PLEKHD1: variants seen among roughly 807,000 people sequenced by gnomAD.
PLEKHD1 encodes the protein pleckstrin homology and coiled-coil domain containing D1, also known as pleckstrin homology domain-containing family D member 1.
PLEKHD1 carries 51 observed loss-of-function variants against 69.2 expected under a neutral mutation model. The observed-to-expected ratio is 0.74, with a 90% CI of 0.59 to 0.93. PLEKHD1 has a LOEUF of 0.93. Among genes scored for constraint, PLEKHD1 ranks in the 40% least tolerant of loss-of-function variants. The probability of loss-of-function intolerance (pLI) is 0.00; values close to 1 mark genes in which losing one functional copy is unlikely to be tolerated. For synonymous variants in PLEKHD1, 236 were observed against 244.7 expected (o/e 0.96, Z 0.33); for missense variants, 584 against 641.0 (o/e 0.91, Z 0.96).
intron 1 of PLEKHD1, among the ~76,000 whole-genome samples, chr14:69,499,307 C>A (rs538837284): frequency 6.6e-6 from 1 of 152,286 alleles, no homozygotes; most frequent in African/African-American, 2.4e-5. Context: ...TCTGCTCACA[C>A]CCCGTCACTA....
chr14:69,494,334 C>G (rs1463012446), intron 1 of PLEKHD1, among the ~76,000 whole-genome samples: 1 of 152,104 alleles, frequency 6.6e-6, no homozygotes, highest in Non-Finnish European at 1.5e-5. Context: ...CATTGGCTAC[C>G]CCAACCCTGA....
rs762645210 is a variant in PLEKHD1, at chr14:69,485,024, C to T, written c.59C>T (p.Ser20Leu). Residue 20 changes from serine to leucine, a missense_variant, in exon 1 of 13, where the codon TCG (serine) becomes TTG (leucine). By Grantham distance (145) the Ser-to-Leu change is moderately radical. Coordinates refer to ENST00000322564, the MANE Select transcript of PLEKHD1 (RefSeq NM_001161498.2). ...TCGCCGTCCCTGGAGCAGGCTGACTCGGACGCCCTGGATATCAGCACCAAA... is the reference window on the plus strand; with the variant it reads ...TCGCCGTCCCTGGAGCAGGCTGACTTGGACGCCCTGGATATCAGCACCAAA... ...SPSPSLEQADSDALDISTKVQ... is the reference protein window; with the variant it reads ...SPSPSLEQADLDALDISTKVQ... 1.5e-5 allele frequency: 24 copies of T among 1,551,396 alleles called. No homozygotes were observed. Among genetic ancestry groups the T allele is most frequent in the Non-Finnish European group, 2.0e-5 (23 of 1,146,896 alleles).
At chr14:69,516,906 G>A (rs937412993) in intron 6 of PLEKHD1, among the ~76,000 whole-genome samples, 2 of 152,176 alleles carry the variant, frequency 1.3e-5, no homozygotes, top group East Asian at 1.9e-4. Context: ...CCTGAGCTCA[G>A]GCGATCCGCC....
intron 6 of PLEKHD1, among the ~76,000 whole-genome samples, chr14:69,512,078 A>T (rs577458423): frequency 1.3e-5 from 2 of 152,320 alleles, no homozygotes; most frequent in South Asian, 4.1e-4. Context: ...TTTAATAGAT[A>T]TAGGCCTATT....
chr14:69,467,843 A>G, the PLEKHD1 span, among the ~76,000 whole-genome samples: 1 of 152,226 alleles, frequency 6.6e-6, no homozygotes, highest in Non-Finnish European at 1.5e-5. Context: ...TCAACCCTCA[A>G]ATCTCAACTA....
intron 4 of PLEKHD1, chr14:69,501,226 C>T: frequency 1.9e-6 from 1 of 523,990 alleles, no homozygotes; most frequent in Non-Finnish European, 3.5e-6. Flanking sequence ...ACACCCATCT[C>T]ACCTCCCCAG....
Position 69,500,565 on chromosome 14 carries a change from G to C in PLEKHD1, c.244-12G>C, listed in dbSNP as rs755621376. 3 of 1,544,258 alleles carry C rather than the reference G, an allele frequency of 1.9e-6. No individual in the cohort carries two copies. Among genetic ancestry groups the C allele is most frequent in the Non-Finnish European group, 2.6e-6 (3 of 1,143,394 alleles). ...GGTGGGGTGGGGGCTGCCTGTTCTG[G>C]TTCTTCCTCAGGGCGTCATCCCTCT... On this transcript the variant is annotated splice_polypyrimidine_tract_variant and intron_variant, in intron 2 of 12. Coordinates refer to ENST00000322564, the MANE Select transcript of PLEKHD1 (RefSeq NM_001161498.2).
intron 1 of PLEKHD1, among the ~76,000 whole-genome samples, chr14:69,495,335 C>T (rs531421605): frequency 1.3e-5 from 2 of 152,334 alleles, no homozygotes; most frequent in South Asian, 4.1e-4. Context: ...AATCTGCCCT[C>T]AACACAGCAG....
intron 12 of PLEKHD1, 32 bp downstream of exon 12, chr14:69,527,964 A>G (rs753269924): frequency 1.5e-5 from 23 of 1,550,520 alleles, no homozygotes; most frequent in Middle Eastern, 3.3e-4. Flanking sequence ...CCCTGGTGGG[A>G]TGGTGACAAG....
Position 69,527,277 on chromosome 14 carries a change from G to A in PLEKHD1, c.1146G>A (p.Lys382=). ...LRSLEQGLNS[K]VRNKEKEERM... Reference sequence around the variant, plus strand: ...GCCTGGAACAGGGGCTGAATTCCAAGGTGCGGAATAAGGAGAAGGAGGAGA... The same window carrying A: ...GCCTGGAACAGGGGCTGAATTCCAAAGTGCGGAATAAGGAGAAGGAGGAGA... The change falls in exon 11 of 13, where the codon AAG becomes AAA. Residue 382 remains lysine, a synonymous_variant. Transcript: ENST00000322564. 1 of 1,551,848 alleles carries A rather than the reference G, an allele frequency of 6.4e-7. No individual in the cohort carries two copies. The highest frequency in any genetic ancestry group is 1.2e-5 in the South Asian group (1 of 84,064).
intron 6 of PLEKHD1, among the ~76,000 whole-genome samples, chr14:69,509,458 T>C (rs1222954950): frequency 1.3e-5 from 2 of 152,248 alleles, no homozygotes; most frequent in Admixed American, 6.5e-5. Flanking sequence ...GATAAAAATC[T>C]TTTTGTAGAC....
At position 69,530,794 on chromosome 14, in the gene PLEKHD1, C is replaced by T. The variant is rs1207404488; in HGVS notation, c.*2375C>T. 1 of 152,198 alleles carries T rather than the reference C, an allele frequency of 6.6e-6. No individual in the cohort carries two copies. The highest frequency in any genetic ancestry group is 1.5e-5 in the Non-Finnish European group (1 of 68,048). 9.4% of individuals were successfully genotyped at this position (152,198 alleles called of 1,614,324 possible). On this transcript the variant is annotated 3_prime_UTR_variant, in exon 13 of 13. Transcript: ENST00000322564. ...GGGTGAGAGAGCAAGAGGGGCCAAA[C>T]TTATTCTTTTATAACAAACCCACCC...
chr14:69,485,480 G>A (rs1031275406), intron 1 of PLEKHD1, among the ~76,000 whole-genome samples: 1 of 152,114 alleles, frequency 6.6e-6, no homozygotes, highest in Non-Finnish European at 1.5e-5. Context: ...CCAACCCCGG[G>A]ACCCCCACTG....
chr14:69,473,920 C>T, the PLEKHD1 span, among the ~76,000 whole-genome samples: 1 of 152,200 alleles, frequency 6.6e-6, no homozygotes. Flanking sequence ...CCTTCCAGCC[C>T]TCCAGCCCCC....
chr14:69,471,494 A>G, the PLEKHD1 span, among the ~76,000 whole-genome samples: 1 of 152,100 alleles, frequency 6.6e-6, no homozygotes, highest in African/African-American at 2.4e-5. Flanking sequence ...CACACTCTTA[A>G]CTACACTGTA....
rs1882902869 is a variant in PLEKHD1, at chr14:69,496,946, C to A, written c.150-3169C>A. Among the ~76,000 whole-genome samples, 3 of 152,204 alleles carry A rather than the reference C, an allele frequency of 2.0e-5. No homozygotes were observed. The South Asian group carries it at 6.2e-4, about 32-fold the overall frequency. On this transcript the variant is annotated intron_variant, in intron 1 of 12. Transcript: ENST00000322564. Reference sequence around the variant, plus strand: ...TAATTACCTCCTAAAGACCTTATCTCCAAATACAGTCACATGTGGGGTTAG... The same window carrying A: ...TAATTACCTCCTAAAGACCTTATCTACAAATACAGTCACATGTGGGGTTAG...
At chr14:69,512,423 TTACC>T (rs1235321105) in intron 6 of PLEKHD1, among the ~76,000 whole-genome samples, 1 of 152,108 alleles carries the variant, frequency 6.6e-6, no homozygotes, top group Non-Finnish European at 1.5e-5. Context: ...TTTTTTCTGC[TTACC>T]TTTGATTTAA....
chr14:69,484,083 C>A (rs941114664), upstream of PLEKHD1, among the ~76,000 whole-genome samples: 13 of 152,234 alleles, frequency 8.5e-5, no homozygotes, highest in African/African-American at 3.1e-4. Context: ...AAATCCGATC[C>A]GATGCGCGCT....
At chr14:69,524,387 G>GT (rs1328864402) in intron 8 of PLEKHD1, 65 bp downstream of exon 8, 7 of 1,361,996 alleles carry the variant, frequency 5.1e-6, no homozygotes, top group Non-Finnish European at 7.2e-6. Context: ...ACATGACACT[G>GT]TTTTTTCCAG....
Sources: allele counts gnomAD v4.1 joint callset (sites outside exome capture counted in the v4.1 genomes callset), GRCh38; gene constraint gnomAD v4.1.1; transcripts MANE v1.5; gene names NCBI Gene and HGNC (gene_info 2026-07-23, HGNC 2026-07-21).